RANBP2: variants seen among roughly 807,000 people sequenced by gnomAD.
RANBP2 encodes RAN binding protein 2, also known as E3 SUMO-protein ligase RanBP2.
RANBP2 carries 57 observed loss-of-function variants against 303.6 expected under a neutral mutation model. That is an observed-to-expected ratio of 0.19 (90% CI 0.15 to 0.23). The LOEUF (loss-of-function observed/expected upper bound fraction) is 0.23. RANBP2 is among the 10% of genes least tolerant of loss of function. RANBP2 has a pLI of 1.00. For missense variants in RANBP2, 3,138 were observed against 3,780.8 expected (o/e 0.83, Z 4.46); for synonymous variants, 1,167 against 1,301.5 (o/e 0.90, Z 2.23).
the RANBP2 span, among the ~76,000 whole-genome samples, chr2:109,426,978 AT>A: frequency 8.1e-5 from 12 of 148,730 alleles, no homozygotes; most frequent in East Asian, 1.0e-3. Context: ...ATATATATAT[AT>A]TTTTTTTTGA....
At chr2:109,224,774 T>C in the RANBP2 span, among the ~76,000 whole-genome samples, 1 of 152,120 alleles carries the variant, frequency 6.6e-6, no homozygotes, top group Non-Finnish European at 1.5e-5. Flanking sequence ...TTAGAATCGC[T>C]TGAAACCTGG....
At chr2:109,711,485 C>A in the RANBP2 span, among the ~76,000 whole-genome samples, 1 of 152,182 alleles carries the variant, frequency 6.6e-6, no homozygotes, top group Non-Finnish European at 1.5e-5. Flanking sequence ...TCTTGTTTCA[C>A]AAGCCTCCAG....
chr2:109,420,594 A>T, the RANBP2 span, among the ~76,000 whole-genome samples: 15 of 152,040 alleles, frequency 9.9e-5, no homozygotes, highest in Non-Finnish European at 2.2e-4. Context: ...TACAGGTGCC[A>T]GCCACCACGC....
chr2:108,893,729 AAC>A, the RANBP2 span, among the ~76,000 whole-genome samples: 1 of 152,118 alleles, frequency 6.6e-6, no homozygotes, highest in Non-Finnish European at 1.5e-5. Context: ...GACAATCTTA[AAC>A]ACACACAAAG....
chr2:109,327,312 C>T, the RANBP2 span, among the ~76,000 whole-genome samples: 1 of 152,164 alleles, frequency 6.6e-6, no homozygotes, highest in East Asian at 1.9e-4. Flanking sequence ...CTTTCCCTGC[C>T]GCTGGTAAAT....
At chr2:109,170,346 C>CCTTT in the RANBP2 span, among the ~76,000 whole-genome samples, 1 of 148,552 alleles carries the variant, frequency 6.7e-6, no homozygotes. Context: ...CTCTCTCTTT[C>CCTTT]CTTTCTTTCT....
chr2:109,217,950 T>C, the RANBP2 span, among the ~76,000 whole-genome samples: 1 of 152,172 alleles, frequency 6.6e-6, no homozygotes, highest in East Asian at 1.9e-4. Context: ...GACCTTTCCC[T>C]CGAGGGCTCT....
chr2:108,843,898 T>C, the RANBP2 span, among the ~76,000 whole-genome samples: 12 of 141,950 alleles, frequency 8.5e-5, no homozygotes, highest in South Asian at 2.8e-3. Flanking sequence ...TTTTTTTTTT[T>C]TTTTTTTTTT....
chr2:109,138,193 A>AT, the RANBP2 span, among the ~76,000 whole-genome samples: 12 of 152,070 alleles, frequency 7.9e-5, no homozygotes, highest in African/African-American at 2.9e-4. Context: ...CGCCCGGCTA[A>AT]TTTTTTAATA....
At chr2:109,540,178 A>G in the RANBP2 span, among the ~76,000 whole-genome samples, 1 of 152,200 alleles carries the variant, frequency 6.6e-6, no homozygotes, top group African/African-American at 2.4e-5. Flanking sequence ...TTTAAAAGGT[A>G]TTAAGGCTTG....
At chr2:109,139,775 A>G in the RANBP2 span, among the ~76,000 whole-genome samples, 1 of 152,214 alleles carries the variant, frequency 6.6e-6, no homozygotes, top group Non-Finnish European at 1.5e-5. Context: ...CCATTGAACA[A>G]TGGAGTTTAA....
the RANBP2 span, among the ~76,000 whole-genome samples, chr2:109,257,034 C>T: frequency 6.6e-6 from 1 of 152,200 alleles, no homozygotes; most frequent in Non-Finnish European, 1.5e-5. Flanking sequence ...CTGCCCTGGA[C>T]TTGCACTGTA....
chr2:108,766,636 A>G lies in RANBP2; in HGVS notation c.6097A>G (p.Lys2033Glu). 6.2e-7 allele frequency: 1 copy of G among 1,612,018 alleles called. No homozygotes were observed. The highest frequency in any genetic ancestry group is 8.5e-7 in the Non-Finnish European group (1 of 1,179,864). The change falls in exon 20 of 29, where the codon AAA (lysine) becomes GAA (glutamate). Residue 2033 changes from lysine to glutamate, a missense_variant. By Grantham distance (56) the Lys-to-Glu change is moderately conservative. Transcript: ENST00000283195. ...VELVTGEEDE[K>E]VLYSQRVKLF... ...ACTTGTAACAGGAGAAGAAGATGAA[A>G]AAGTTCTGTATTCACAGCGGGTAAA...
At chr2:109,664,179 C>T in the RANBP2 span, among the ~76,000 whole-genome samples, 25 of 152,180 alleles carry the variant, frequency 1.6e-4, no homozygotes, top group African/African-American at 6.0e-4. Context: ...TTTTACTTTG[C>T]AGCAAAATGC....
At chr2:109,046,561 C>T in the RANBP2 span, among the ~76,000 whole-genome samples, 2 of 151,720 alleles carry the variant, frequency 1.3e-5, no homozygotes, top group South Asian at 2.1e-4. Flanking sequence ...TGCCCGCCAC[C>T]ACACCCGGCT....
Position 108,755,104 on chromosome 2 carries a change from A to G in RANBP2, c.2382+20A>G. 2.5e-6 allele frequency: 4 copies of G among 1,611,978 alleles called. No individual in the cohort carries two copies. The highest frequency in any genetic ancestry group is 3.4e-6 in the Non-Finnish European group (4 of 1,179,838). ...TACAAGGTAAACAGGAAAGAATGGAATCATTTCATTGTGAAATTGTTTCTG... is the reference window on the plus strand; with the variant it reads ...TACAAGGTAAACAGGAAAGAATGGAGTCATTTCATTGTGAAATTGTTTCTG... On this transcript the variant is annotated intron_variant, in intron 16 of 28. Coordinates refer to ENST00000283195, the MANE Select transcript of RANBP2 (RefSeq NM_006267.5).
chr2:109,769,881 G>A, the RANBP2 span, among the ~76,000 whole-genome samples: 4 of 133,412 alleles, frequency 3.0e-5, no homozygotes, highest in African/African-American at 1.1e-4. Flanking sequence ...GAGGAGAGAG[G>A]AAAACAGTTG....
the RANBP2 span, among the ~76,000 whole-genome samples, chr2:108,932,767 T>C: frequency 1.1e-3 from 169 of 152,274 alleles, 1 homozygote; most frequent in African/African-American, 4.0e-3. Flanking sequence ...GCCAAGTACA[T>C]ATGTGTTTTT....
chr2:109,545,788 C>A, the RANBP2 span: 1 of 1,427,234 alleles, frequency 7.0e-7, no homozygotes, highest in Non-Finnish European at 9.1e-7. Flanking sequence ...TGATCCTTTT[C>A]ACACTGTGAT....
Sources: gnomAD v4.1 joint callset for allele counts (sites outside exome capture counted in the v4.1 genomes callset) on GRCh38, gnomAD v4.1.1 for gene constraint, MANE v1.5 for transcripts, NCBI Gene and HGNC (gene_info 2026-07-23, HGNC 2026-07-21) for gene names.